The following TBC1D22A variants were observed in gnomAD, a reference collection of about 807,000 sequenced individuals.
TBC1D22A encodes the protein putative GTPase activator.
TBC1D22A carries 38 observed loss-of-function variants against 60.2 expected under a neutral mutation model. That is an observed-to-expected ratio of 0.63 (90% CI 0.49 to 0.83). TBC1D22A has a LOEUF of 0.83. Among genes scored for constraint, TBC1D22A ranks in the 40% least tolerant of loss-of-function variants. The pLI is 0.00. For synonymous variants in TBC1D22A, 302 were observed against 281.7 expected (o/e 1.07, Z -0.72); for missense variants, 628 against 701.0 (o/e 0.90, Z 1.18).
Position 47,123,081 on chromosome 22 carries a change from C to T in TBC1D22A, c.1425+11478C>T, listed in dbSNP as rs537780606. ...ACCACATTATTAATGACGATGAGGT[C>T]TCAGCCCCTCCAGGAGGCTGAGGGG... On this transcript the variant is annotated intron_variant, in intron 12 of 12. Coordinates refer to ENST00000337137, the MANE Select transcript of TBC1D22A (RefSeq NM_014346.5). 7.9e-5 allele frequency among the ~76,000 whole-genome samples: 12 copies of T among 152,322 alleles called. No homozygotes were observed. In the Middle Eastern group the frequency reaches 0.014, roughly 173 times the overall value.
chr22:47,039,381 C>A (rs116275328), intron 11 of TBC1D22A, among the ~76,000 whole-genome samples: 1 of 152,008 alleles, frequency 6.6e-6, no homozygotes, highest in South Asian at 2.1e-4. Flanking sequence ...ACATAGTAAT[C>A]ATAGGAAAGC....
intron 12 of TBC1D22A, among the ~76,000 whole-genome samples, chr22:47,140,942 C>A (rs538487735): frequency 6.6e-6 from 1 of 152,368 alleles, no homozygotes; most frequent in East Asian, 1.9e-4. Context: ...ACTCTAGGAC[C>A]GCTCTGGCTT....
chr22:47,068,131 T>C (rs966424703), intron 11 of TBC1D22A, among the ~76,000 whole-genome samples: 3 of 152,254 alleles, frequency 2.0e-5, no homozygotes, highest in Non-Finnish European at 2.9e-5. Flanking sequence ...CCTGGCTTGT[T>C]TTCTTCTTTG....
chr22:47,082,291 A>C (rs2064501123), intron 11 of TBC1D22A, among the ~76,000 whole-genome samples: 1 of 152,242 alleles, frequency 6.6e-6, no homozygotes, highest in South Asian at 2.1e-4. Flanking sequence ...CAAAGGATTC[A>C]AGTTAATAAA....
intron 10 of TBC1D22A, among the ~76,000 whole-genome samples, chr22:47,014,696 A>G (rs944774888): frequency 6.6e-6 from 1 of 152,222 alleles, no homozygotes; most frequent in Non-Finnish European, 1.5e-5. Flanking sequence ...CACGCAGGTG[A>G]AACTTGGAGT....
chr22:46,945,005 A>T (rs1019954143), intron 8 of TBC1D22A, among the ~76,000 whole-genome samples: 4 of 152,226 alleles, frequency 2.6e-5, no homozygotes, highest in African/African-American at 9.7e-5. Flanking sequence ...TTGAAGGAAA[A>T]TCTGGAAATA....
At chr22:47,043,424 G>A (rs117593752) in intron 11 of TBC1D22A, among the ~76,000 whole-genome samples, 2 of 152,316 alleles carry the variant, frequency 1.3e-5, no homozygotes, top group East Asian at 3.9e-4. Context: ...CAGTGCTCCA[G>A]GTGAGAGACA....
chr22:46,878,563 A>T, intron 4 of TBC1D22A, 90 bp from the exon 5 acceptor site: 1 of 1,069,344 alleles, frequency 9.4e-7, no homozygotes. Flanking sequence ...CTTGCCTCCT[A>T]ATTAAACAGG....
chr22:46,944,606 G>T (rs184513329), intron 8 of TBC1D22A, among the ~76,000 whole-genome samples: 1 of 152,176 alleles, frequency 6.6e-6, no homozygotes, highest in African/African-American at 2.4e-5. Context: ...CACCGTGTTA[G>T]CCAGGATGGT....
chr22:46,828,270 T>TA (rs1027157975), intron 4 of TBC1D22A, among the ~76,000 whole-genome samples: 17 of 152,272 alleles, frequency 1.1e-4, no homozygotes, highest in African/African-American at 3.9e-4. Flanking sequence ...GTGATAAAGT[T>TA]AAAAAATGGA....
At chr22:47,130,478 C>T (rs2066640894) in intron 12 of TBC1D22A, among the ~76,000 whole-genome samples, 1 of 151,932 alleles carries the variant, frequency 6.6e-6, no homozygotes, top group African/African-American at 2.4e-5. Context: ...GCCTTCTGGC[C>T]TCTCTCTGGA....
intron 7 of TBC1D22A, among the ~76,000 whole-genome samples, chr22:46,904,046 A>T (rs1487646280): frequency 6.6e-6 from 1 of 152,088 alleles, no homozygotes; most frequent in Non-Finnish European, 1.5e-5. Flanking sequence ...AATCTGTCAT[A>T]TATATGTATA....
At chr22:46,904,134 T>TCTGCCTACCTACCTACCTAC (rs1422224513) in intron 7 of TBC1D22A, among the ~76,000 whole-genome samples, 23 of 66,508 alleles carry the variant, frequency 3.5e-4, no homozygotes, top group African/African-American at 1.5e-3. Context: ...TATCTATCTA[T>TCTGCCTACCTACCTACCTAC]CTATCTATCT....
At chr22:47,041,262 T>C (rs1305937834) in intron 11 of TBC1D22A, among the ~76,000 whole-genome samples, 1 of 152,220 alleles carries the variant, frequency 6.6e-6, no homozygotes, top group Non-Finnish European at 1.5e-5. Context: ...TAATCATCAC[T>C]GCCCGCGCTC....
chr22:46,768,838 C>T (rs1233603480), intron 1 of TBC1D22A, among the ~76,000 whole-genome samples: 1 of 151,898 alleles, frequency 6.6e-6, no homozygotes, highest in East Asian at 1.9e-4. Flanking sequence ...TCATGCCTGT[C>T]ATCTCAGCAC....
At chr22:47,090,260 C>T (rs2064866840) in intron 11 of TBC1D22A, among the ~76,000 whole-genome samples, 2 of 152,336 alleles carry the variant, frequency 1.3e-5, no homozygotes, top group South Asian at 4.1e-4. Context: ...CATGTCTCCA[C>T]CCGGCACACA....
At chr22:47,118,440 G>A (rs2147749610) in intron 12 of TBC1D22A, among the ~76,000 whole-genome samples, 1 of 152,340 alleles carries the variant, frequency 6.6e-6, no homozygotes, top group East Asian at 1.9e-4. Context: ...AAATGACCCT[G>A]TAATTACAGA....
chr22:47,074,567 C>A (rs1017877909), intron 11 of TBC1D22A, among the ~76,000 whole-genome samples: 12 of 152,232 alleles, frequency 7.9e-5, no homozygotes, highest in African/African-American at 2.9e-4. Context: ...ACTTCTTTGG[C>A]AGGTTTAGAA....
At chr22:46,774,030 C>G (rs2146734873) in intron 1 of TBC1D22A, 1 of 985,564 alleles carries the variant, frequency 1.0e-6, no homozygotes, top group Non-Finnish European at 1.2e-6. Context: ...GACTCACTCA[C>G]CAGGAATCTG....
Sources: allele counts gnomAD v4.1 joint callset (sites outside exome capture counted in the v4.1 genomes callset), GRCh38; gene constraint gnomAD v4.1.1; transcripts MANE v1.5; gene names NCBI Gene and HGNC (gene_info 2026-07-23, HGNC 2026-07-21).